Variants in COL16A1 observed in about 807,000 individuals in gnomAD.
COL16A1 encodes the protein collagen type XVI alpha 1 chain, also known as collagen alpha-1(XVI) chain.
COL16A1 carries 189 observed loss-of-function variants against 266.3 expected under a neutral mutation model. The observed-to-expected ratio is 0.71, with a 90% CI of 0.63 to 0.80. The LOEUF (loss-of-function observed/expected upper bound fraction) is 0.80, where lower values mean the gene tolerates loss of function less well. COL16A1 is among the 30% of genes least tolerant of loss of function. The pLI is 0.00. For synonymous variants in COL16A1, 740 were observed against 782.3 expected, an observed-to-expected ratio of 0.95 and a Z score of 0.90; for missense variants, 1,928 against 2,122.4, an observed-to-expected ratio of 0.91 and a Z score of 1.80.
intron 47 of COL16A1, among the ~76,000 whole-genome samples, 175 bp downstream of exon 47, chr1:31,672,241 G>T (rs1341722154): frequency 6.6e-6 from 1 of 152,178 alleles, no homozygotes; most frequent in African/African-American, 2.4e-5. Flanking sequence ...TGGGGAGAAA[G>T]AGTGTGTCCT....
At chr1:31,690,335 CCCCGAT>C in intron 22 of COL16A1, 26 bp downstream of exon 22, 1 of 1,613,026 alleles carries the variant, frequency 6.2e-7, no homozygotes, top group Non-Finnish European at 8.5e-7. Context: ...CCCGTTCCCA[CCCCGAT>C]CTGGGCAGCC....
At chr1:31,702,782 G>A (rs1644767462) in intron 1 of COL16A1, among the ~76,000 whole-genome samples, 1 of 152,194 alleles carries the variant, frequency 6.6e-6, no homozygotes, top group Admixed American at 6.5e-5. Context: ...GCCTTCCATA[G>A]GGCTGTGTGG....
chr1:31,672,661 A>C, intron 45 of COL16A1, 24 bp from the exon 46 acceptor site: 1 of 1,606,038 alleles, frequency 6.2e-7, no homozygotes, highest in South Asian at 1.1e-5. Context: ...TGAGAGGCAC[A>C]TTGTCTGATG....
chr1:31,696,020 T>C, intron 9 of COL16A1, 68 bp downstream of exon 9: 1 of 1,401,908 alleles, frequency 7.1e-7, no homozygotes, highest in Admixed American at 1.7e-5. Flanking sequence ...ACCTTATCCC[T>C]GGGGTTTACA....
At position 31,697,294 on chromosome 1, in the gene COL16A1, G is replaced by T. The variant is rs1460639213; in HGVS notation, c.664C>A (p.Leu222Ile). The T allele has an allele frequency of 1.9e-6, 3 of 1,608,386 alleles. No individual in the cohort carries two copies. Among genetic ancestry groups the T allele is most frequent in the Non-Finnish European group, 1.7e-6 (2 of 1,177,222 alleles). ...TCACAGTAGATGTGCACCTGCTGAA[G>T]GTCAAACTGCAGGAGACACACACAT... ...AEQGKPVSFD[L>I]QQVHIYCDPE... The change falls in exon 7 of 71, where the codon CTT becomes ATT. Residue 222 changes from leucine to isoleucine, a missense_variant. Leu to Ile is a conservative substitution (Grantham distance 5). This residue lies in a region of COL16A1 where 1,552 missense variants were observed against 1,637.2 expected (regional missense o/e 0.95). Coordinates refer to ENST00000373672, the MANE Select transcript of COL16A1 (RefSeq NM_001856.4). This position sits in a 1 kb window ranked among gnomAD's most constrained non-coding sequence, Gnocchi z 4.2.
chr1:31,679,622 C>T lies in COL16A1; in HGVS notation c.2772+10G>A, dbSNP rs756818820. Reference sequence around the variant, plus strand: ...CCACCCAAGCTCCTCATTCTCTTCTCCCCCTTTACCTGCAGCCCAGGTACT... The same window carrying T: ...CCACCCAAGCTCCTCATTCTCTTCTTCCCCTTTACCTGCAGCCCAGGTACT... On this transcript the variant is annotated intron_variant, in intron 42 of 70. Transcript: ENST00000373672. 4 of 1,614,246 alleles carry T rather than the reference C, an allele frequency of 2.5e-6. No homozygotes were observed. Among genetic ancestry groups the T allele is most frequent in the Non-Finnish European group, 3.4e-6 (4 of 1,180,046 alleles).
chr1:31,691,568 A>C, intron 18 of COL16A1, 30 bp downstream of exon 18: 1 of 1,613,756 alleles, frequency 6.2e-7, no homozygotes, highest in East Asian at 2.2e-5. Flanking sequence ...CTGCCACCCC[A>C]TCTCCACCCC....
At chr1:31,667,937 C>A (rs958464959) in intron 51 of COL16A1, among the ~76,000 whole-genome samples, 2 of 152,214 alleles carry the variant, frequency 1.3e-5, no homozygotes, top group Admixed American at 6.5e-5. Context: ...CTGGGCCTGG[C>A]AGAGTGCTCT....
At chr1:31,681,733 C>T (rs1643656186) in intron 37 of COL16A1, among the ~76,000 whole-genome samples, 1 of 152,236 alleles carries the variant, frequency 6.6e-6, no homozygotes, top group African/African-American at 2.4e-5. Flanking sequence ...CGCAGAGGCT[C>T]GTAGCTCTGT....
chr1:31,700,060 G>A lies in COL16A1; in HGVS notation c.129C>T (p.Ser43=). Residue 43 remains serine, a synonymous_variant, in exon 3 of 71, where the codon AGC becomes AGT. Transcript: ENST00000373672. ...QEGLKLEHSS[S]LPANVTGFNL... ...GCTCACCAGTCACGTTGGCTGGCAG[G>A]CTACTACTGTGTTCCAATTTGAGTC... 6.2e-7 allele frequency: 1 copy of A among 1,614,168 alleles called. No homozygotes were observed. The highest frequency in any genetic ancestry group is 8.5e-7 in the Non-Finnish European group (1 of 1,180,038).
At position 31,685,221 on chromosome 1, in the gene COL16A1, G is replaced by A. The variant is rs1370939103; in HGVS notation, c.2017-365C>T. ...GGTAGTGCTGGCCGTTACTGTGAAAGCAGTAACAGTGATAATAACCACAGT... is the reference window on the plus strand; with the variant it reads ...GGTAGTGCTGGCCGTTACTGTGAAAACAGTAACAGTGATAATAACCACAGT... On this transcript the variant is annotated intron_variant, in intron 29 of 70. Transcript: ENST00000373672. The surrounding 1 kb of genome is among the most constrained non-coding windows in gnomAD (Gnocchi z 4.0). Among the ~76,000 whole-genome samples, 1 of 144,132 alleles carries A rather than the reference G, an allele frequency of 6.9e-6. No individual in the cohort carries two copies. Among genetic ancestry groups the A allele is most frequent in the Non-Finnish European group, 1.5e-5 (1 of 68,000 alleles). The allele number at this position is 144,132 out of a possible 152,430, so 94.6% of individuals were successfully genotyped here.
chr1:31,692,515 A>T lies in COL16A1; in HGVS notation c.1159-6T>A. The T allele has an allele frequency of 6.2e-7, 1 of 1,613,788 alleles. No homozygotes were observed. Among genetic ancestry groups the T allele is most frequent in the Non-Finnish European group, 8.5e-7 (1 of 1,179,868 alleles). On this transcript the variant is annotated splice_polypyrimidine_tract_variant and splice_region_variant and intron_variant, in intron 15 of 70. Coordinates refer to ENST00000373672, the MANE Select transcript of COL16A1 (RefSeq NM_001856.4). The stretch of plus-strand genomic sequence containing the variant: ...CCTGGGAGTCCTGAGGGTCCCTGAG[A>T]TGAGGAAGGGAGACAGAGGAAGGGA...
At chr1:31,701,837 C>T (rs1398531020) in intron 2 of COL16A1, among the ~76,000 whole-genome samples, 1 of 152,078 alleles carries the variant, frequency 6.6e-6, no homozygotes, top group Non-Finnish European at 1.5e-5. Flanking sequence ...CTCTTACACA[C>T]AGAGACACAG....
chr1:31,668,119 C>T lies in COL16A1; in HGVS notation c.3303+46G>A. On this transcript the variant is annotated intron_variant, in intron 51 of 70. Coordinates refer to ENST00000373672, the MANE Select transcript of COL16A1 (RefSeq NM_001856.4). This position sits in a 1 kb window ranked among gnomAD's most constrained non-coding sequence, Gnocchi z 5.8. ...CTGTGTCCTGACCACCAGCCCAAAC[C>T]TCTGGTACCTGGCACCCACTCCCCA... The T allele has an allele frequency of 6.4e-7, 1 of 1,560,634 alleles. No homozygotes were observed. Among genetic ancestry groups the T allele is most frequent in the Non-Finnish European group, 8.8e-7 (1 of 1,141,796 alleles).
intron 48 of COL16A1, 91 bp downstream of exon 48, chr1:31,671,524 G>A (rs1295766234): frequency 1.3e-6 from 2 of 1,537,748 alleles, no homozygotes; most frequent in Non-Finnish European, 1.8e-6. Flanking sequence ...GCCTTGCCCA[G>A]CCTTTTGGGG....
At chr1:31,700,244 T>G in intron 2 of COL16A1, 129 bp from the exon 3 acceptor site, 1 of 826,258 alleles carries the variant, frequency 1.2e-6, no homozygotes, top group South Asian at 1.6e-5. Context: ...AGATCCTGCC[T>G]TCACCACCTG....
rs1327107100 is a variant in COL16A1 at position 31,682,470 on chromosome 1, C to A, written c.2538+464G>T. Among the ~76,000 whole-genome samples the A allele has an allele frequency of 3.3e-5, 5 of 152,214 alleles. No individual in the cohort carries two copies. The East Asian group carries it at 9.6e-4, about 29-fold the overall frequency. On this transcript the variant is annotated intron_variant, in intron 37 of 70. Transcript: ENST00000373672. The stretch of plus-strand genomic sequence containing the variant: ...ACATTTCAGGTGCACTCAACAGCCA[C>A]CTGTGGTTGTGCAGAACACAGCGTT...
chr1:31,653,336 G>A, intron 70 of COL16A1: 1 of 404,810 alleles, frequency 2.5e-6, no homozygotes, highest in Non-Finnish European at 4.4e-6. Flanking sequence ...TTGAACTCGA[G>A]TTCCTCATCC....
In COL16A1 at chr1:31,698,379, G is replaced by T. The variant is rs571414439; in HGVS notation, c.390+104C>A. 2 of 1,565,090 alleles carry T rather than the reference G, an allele frequency of 1.3e-6. No individual in the cohort carries two copies. The highest frequency in any genetic ancestry group is 1.3e-5 in the African/African-American group (1 of 74,362). On this transcript the variant is annotated intron_variant, in intron 5 of 70. Transcript: ENST00000373672. The surrounding 1 kb of genome is among the most constrained non-coding windows in gnomAD (Gnocchi z 4.1). ...GGGACAGGCTTGAGGGTAGGCACAGGATGGAGCAGGGAGACCCCAGAAGTC... is the reference window on the plus strand; with the variant it reads ...GGGACAGGCTTGAGGGTAGGCACAGTATGGAGCAGGGAGACCCCAGAAGTC...
Sources: gnomAD v4.1 joint callset for allele counts (sites outside exome capture counted in the v4.1 genomes callset) on GRCh38, gnomAD v4.1.1 for gene constraint, gnomAD v4.1.1 regional missense constraint, Gnocchi (gnomAD v3.1) non-coding constraint, MANE v1.5 for transcripts, NCBI Gene and HGNC (gene_info 2026-07-23, HGNC 2026-07-21) for gene names.